PCNX2: variants seen among roughly 807,000 people sequenced by gnomAD.
PCNX2 encodes the protein pecanex 2.
A neutral mutation model predicts 223.8 loss-of-function variants in PCNX2; 168 were observed. The ratio of observed to expected loss-of-function variants is 0.75; its 90% CI spans 0.66 to 0.85. The LOEUF (loss-of-function observed/expected upper bound fraction) is 0.85. Ranked by LOEUF, PCNX2 falls within the 40% of genes least tolerant of loss-of-function variation. The pLI, the probability that PCNX2 is intolerant of heterozygous loss-of-function variation, is 0.00. For missense variants in PCNX2, 2,507 were observed against 2,675.5 expected, an observed-to-expected ratio of 0.94 and a Z score of 1.39; for synonymous variants, 1,006 against 1,052.6, an observed-to-expected ratio of 0.96 and a Z score of 0.86.
At chr1:233,065,473 T>C (rs995726951) in intron 23 of PCNX2, 7 of 152,040 alleles carry the variant, frequency 4.6e-5, no homozygotes, top group Non-Finnish European at 8.8e-5. Flanking sequence ...CTTCCGGAAA[T>C]ATGGAGTTGG....
intron 1 of PCNX2, among the ~76,000 whole-genome samples, chr1:233,278,644 G>T (rs1242075456): frequency 1.3e-5 from 2 of 152,204 alleles, no homozygotes; most frequent in Admixed American, 6.5e-5. Flanking sequence ...CAGATCGCAT[G>T]TCTCTTCCTC....
intron 4 of PCNX2, among the ~76,000 whole-genome samples, chr1:233,261,010 G>C (rs1660013008): frequency 6.6e-6 from 1 of 152,022 alleles, no homozygotes; most frequent in African/African-American, 2.4e-5. Flanking sequence ...TTATATGTCT[G>C]CTCTTTATAA....
intron 21 of PCNX2, among the ~76,000 whole-genome samples, chr1:233,105,567 G>A (rs1333024120): frequency 6.6e-6 from 1 of 152,132 alleles, no homozygotes; most frequent in African/African-American, 2.4e-5. Flanking sequence ...GAGAGAGAAA[G>A]GAACATGGGG....
chr1:232,984,286 C>T lies in PCNX2; in HGVS notation c.*18G>A, dbSNP rs369524481. Reference sequence around the variant, plus strand: ...GGAGGTGTGGGGGAGCCAGCCTCCCCGCCCGGCCGCACGCCCGTCACTGCT... The same window carrying T: ...GGAGGTGTGGGGGAGCCAGCCTCCCTGCCCGGCCGCACGCCCGTCACTGCT... On this transcript the variant is annotated 3_prime_UTR_variant, in exon 34 of 34. Transcript: ENST00000258229. The T allele has an allele frequency of 5.1e-5, 80 of 1,573,434 alleles. 1 individual carries two copies. The Middle Eastern group carries it at 6.8e-4, about 13-fold the overall frequency.
chr1:233,031,711 C>T lies in PCNX2; in HGVS notation c.4352-6312G>A, dbSNP rs73103482. ...TTCATAAAAAGGGAGACAGTTAAAG[C>T]CTGATCCCAAATCTTCGGATTCCAT... On this transcript the variant is annotated intron_variant, in intron 25 of 33. Coordinates refer to ENST00000258229, the MANE Select transcript of PCNX2 (RefSeq NM_014801.4). 8.8e-3 allele frequency: 8,651 copies of T among 980,790 alleles called. 559 individuals are homozygous for T. The African/African-American group carries it at 0.14, about 16-fold the overall frequency. 60.8% of individuals were successfully genotyped at this position (980,790 alleles called of 1,614,324 possible).
chr1:233,295,359 C>T lies in PCNX2; in HGVS notation c.120G>A (p.Leu40=), dbSNP rs962179698. 3.2e-6 allele frequency: 5 copies of T among 1,569,912 alleles called. No individual in the cohort carries two copies. In the African/African-American group the frequency reaches 4.1e-5, roughly 13 times the overall value. Residue 40 remains leucine (L), a synonymous_variant, in exon 1 of 34, where the codon CTG becomes CTA. Transcript: ENST00000258229. The surrounding 1 kb of genome is among the most constrained non-coding windows in gnomAD (Gnocchi z 4.1). ...GGGCCAGGGGCAGCAGCAGGAGGAA[C>T]AGCCACAGGTAGAGGTGGCAGCTGT... The part of the protein sequence containing the change: ...FTNSCHLYLW[L]FLLLLPLALH...
chr1:233,135,083 TG>T lies in PCNX2; in HGVS notation c.3766del (p.His1256ThrfsTer36). On this transcript the variant is annotated frameshift_variant, in exon 21 of 34. Transcript: ENST00000258229. LOFTEE classifies it high-confidence loss of function. ...INLSFTVIFF[H>X]FDYKDISESF... ...CTCTGAAATATCTTTGTAGTCAAAG[TG>T]GAAAAAGATGACAGTGAAGCTCAAG... The T allele has an allele frequency of 3.7e-6, 6 of 1,612,704 alleles. No individual in the cohort carries two copies. Among genetic ancestry groups the T allele is most frequent in the Non-Finnish European group, 5.1e-6 (6 of 1,178,784 alleles).
At chr1:233,097,252 T>C (rs1030173439) in intron 21 of PCNX2, among the ~76,000 whole-genome samples, 3 of 149,402 alleles carry the variant, frequency 2.0e-5, no homozygotes, top group South Asian at 2.1e-4. Flanking sequence ...GAATTTTAGA[T>C]AGAAGAGAAT....
rs964458368 is a variant in PCNX2, at chr1:233,154,113, C to T, written c.3517+6170G>A. 1.3e-4 allele frequency among the ~76,000 whole-genome samples: 20 copies of T among 152,214 alleles called. No homozygotes were observed. In the South Asian group the frequency reaches 4.2e-3, roughly 32 times the overall value. On this transcript the variant is annotated intron_variant, in intron 19 of 33. Transcript: ENST00000258229. The stretch of plus-strand genomic sequence containing the variant: ...TTATTTTTTGAGAGGGAATCTTGCT[C>T]TGTCACCCAGGCTGGAGTACAGTGG...
At chr1:233,064,213 G>A (rs1438223342) in intron 23 of PCNX2, among the ~76,000 whole-genome samples, 1 of 152,106 alleles carries the variant, frequency 6.6e-6, no homozygotes, top group Non-Finnish European at 1.5e-5. Flanking sequence ...TTGAAGATAT[G>A]TCATGTCCTT....
chr1:233,168,474 A>G (rs1558303804), intron 17 of PCNX2, among the ~76,000 whole-genome samples: 1 of 152,096 alleles, frequency 6.6e-6, no homozygotes. Flanking sequence ...ATATAATTGT[A>G]TAGGCTCACT....
chr1:233,303,523 A>G, the PCNX2 span, among the ~76,000 whole-genome samples: 1 of 152,212 alleles, frequency 6.6e-6, no homozygotes, highest in African/African-American at 2.4e-5. Context: ...TCAAAAAATC[A>G]TATATGTACA....
At chr1:233,004,902 GC>G (rs1305818865) in intron 28 of PCNX2, among the ~76,000 whole-genome samples, 1 of 152,190 alleles carries the variant, frequency 6.6e-6, no homozygotes, top group Non-Finnish European at 1.5e-5. Context: ...GCCTAGAGGA[GC>G]CTGGAATCTT....
intron 23 of PCNX2, 57 bp from the exon 24 acceptor site, chr1:233,057,347 G>C (rs1162357317): frequency 3.6e-6 from 5 of 1,406,176 alleles, no homozygotes; most frequent in Non-Finnish European, 5.0e-6. Flanking sequence ...AAGCAGAAGA[G>C]TTGGTTTATA....
chr1:233,095,991 G>C (rs75479591), intron 21 of PCNX2, 128 bp from the exon 22 acceptor site: 17,983 of 645,328 alleles, frequency 0.028, 325 homozygotes, highest in East Asian at 0.061. Context: ...CCCTCTTACT[G>C]TGATCTTCCT....
At chr1:233,254,289 TCA>T (rs1659608408) in intron 5 of PCNX2, among the ~76,000 whole-genome samples, 1 of 152,210 alleles carries the variant, frequency 6.6e-6, no homozygotes. Flanking sequence ...ATAGAAGTTT[TCA>T]CAGTTTTCCA....
chr1:233,176,238 A>G (rs1248077315), intron 17 of PCNX2, among the ~76,000 whole-genome samples: 1 of 152,256 alleles, frequency 6.6e-6, no homozygotes, highest in African/African-American at 2.4e-5. Flanking sequence ...GATACCAAAG[A>G]AACGACATCT....
At chr1:233,075,696 A>AACACAC (rs369431993) in intron 23 of PCNX2, among the ~76,000 whole-genome samples, 11,718 of 137,158 alleles carry the variant, frequency 0.085, 755 homozygotes, top group African/African-American at 0.18. Context: ...GTTAGCTTAA[A>AACACAC]ACACACACAC....
chr1:233,219,947 C>T (rs1375643971), intron 10 of PCNX2, among the ~76,000 whole-genome samples: 1 of 152,172 alleles, frequency 6.6e-6, no homozygotes, highest in Non-Finnish European at 1.5e-5. Flanking sequence ...TTCATCACTC[C>T]CCTACCCTAA....
Sources: allele counts gnomAD v4.1 joint callset (sites outside exome capture counted in the v4.1 genomes callset), GRCh38; gene constraint gnomAD v4.1.1; non-coding constraint Gnocchi (gnomAD v3.1); transcripts MANE v1.5; gene names NCBI Gene and HGNC (gene_info 2026-07-23, HGNC 2026-07-21).